CYP39A1: variants seen among roughly 807,000 people sequenced by gnomAD.
CYP39A1 encodes the protein 24-hydroxycholesterol 7-alpha-hydroxylase.
CYP39A1 carries 49 observed loss-of-function variants against 58.1 expected under a neutral mutation model. The ratio of observed to expected loss-of-function variants is 0.84; its 90% CI spans 0.67 to 1.07. The LOEUF (loss-of-function observed/expected upper bound fraction) is 1.07. CYP39A1 is among the 50% of genes least tolerant of loss of function. The probability of loss-of-function intolerance (pLI) is 0.00; values close to 1 mark genes in which losing one functional copy is unlikely to be tolerated. For missense variants in CYP39A1, 531 were observed against 539.4 expected (o/e 0.98, Z 0.16); for synonymous variants, 209 against 187.6 (o/e 1.11, Z -0.93).
At chr6:46,648,317 G>A (rs1309344981) in intron 1 of CYP39A1, among the ~76,000 whole-genome samples, 1 of 152,016 alleles carries the variant, frequency 6.6e-6, no homozygotes, top group Non-Finnish European at 1.5e-5. Flanking sequence ...ATACACCATG[G>A]AATACTATGC....
At chr6:46,580,541 G>C (rs1582325944) in intron 10 of CYP39A1, among the ~76,000 whole-genome samples, 1 of 152,118 alleles carries the variant, frequency 6.6e-6, no homozygotes, top group Admixed American at 6.6e-5. Context: ...TGCACAGTAA[G>C]AGAAACTGTC....
chr6:46,586,392 G>A, intron 10 of CYP39A1: 3 of 982,896 alleles, frequency 3.1e-6, no homozygotes, highest in African/African-American at 1.7e-5. Context: ...ATTTAATGTA[G>A]ATTGTAAATT....
chr6:46,604,492 A>G (rs1773717685), intron 7 of CYP39A1, among the ~76,000 whole-genome samples: 1 of 152,224 alleles, frequency 6.6e-6, no homozygotes, highest in Non-Finnish European at 1.5e-5. Context: ...AAAAGCAGAC[A>G]TGTCTTCTTT....
At chr6:46,556,843 T>C (rs569492931) in intron 10 of CYP39A1, among the ~76,000 whole-genome samples, 174 of 152,174 alleles carry the variant, frequency 1.1e-3, no homozygotes, top group African/African-American at 3.9e-3. Context: ...TATTCAAAAG[T>C]TAACAGGCTT....
chr6:46,589,103 T>C (rs930045523), intron 8 of CYP39A1, among the ~76,000 whole-genome samples: 2 of 152,122 alleles, frequency 1.3e-5, no homozygotes, highest in East Asian at 1.9e-4. Context: ...CTCAAGATAT[T>C]TGAAAAACTT....
Position 46,642,141 on chromosome 6 carries a change from ACTAT to A in CYP39A1, c.313+18_313+21del. 2 of 1,611,558 alleles carry A rather than the reference ACTAT, an allele frequency of 1.2e-6. No homozygotes were observed. Among genetic ancestry groups the A allele is most frequent in the South Asian group, 2.2e-5 (2 of 90,866 alleles). On this transcript the variant is annotated intron_variant, in intron 2 of 11. Transcript: ENST00000275016. ...GATTCCAATGTTGGATTTCGAATGG[ACTAT>A]CTGAAAATATTCTTTACCTGTACGA... is the stretch of plus-strand genomic sequence containing the variant.
intron 7 of CYP39A1, among the ~76,000 whole-genome samples, chr6:46,600,971 A>T (rs1481407291): frequency 6.6e-6 from 1 of 152,096 alleles, no homozygotes; most frequent in Non-Finnish European, 1.5e-5. Flanking sequence ...GGGCATCTGA[A>T]GTTGGGGAGA....
rs932834705 is a variant in CYP39A1, at chr6:46,646,773, G to A, written c.178-4475C>T. 3.3e-5 allele frequency among the ~76,000 whole-genome samples: 5 copies of A among 151,852 alleles called. No individual in the cohort carries two copies. The South Asian group carries it at 1.0e-3, about 32-fold the overall frequency. ...CTATTAAAATTATGTATTGTATATTGGATAGTTTTGTTAGAATACGTTTTT... is the reference window on the plus strand; with the variant it reads ...CTATTAAAATTATGTATTGTATATTAGATAGTTTTGTTAGAATACGTTTTT... On this transcript the variant is annotated intron_variant, in intron 1 of 11. Coordinates refer to ENST00000275016, the MANE Select transcript of CYP39A1 (RefSeq NM_016593.5).
chr6:46,627,430 T>A (rs1275677968), intron 6 of CYP39A1, among the ~76,000 whole-genome samples: 3 of 151,972 alleles, frequency 2.0e-5, no homozygotes, highest in Non-Finnish European at 4.4e-5. Context: ...TTATTTTTTT[T>A]TTTTTTGAGA....
In CYP39A1 at chr6:46,652,467, A is replaced by T. The variant is rs1446279680; in HGVS notation, c.116T>A (p.Ile39Asn). 6.2e-7 allele frequency: 1 copy of T among 1,613,790 alleles called. No homozygotes were observed. Among genetic ancestry groups the T allele is most frequent in the East Asian group, 2.2e-5 (1 of 44,866 alleles). ...PPCIKGWIPWIGVGFEFGKAP... is the reference protein window; with the variant it reads ...PPCIKGWIPWNGVGFEFGKAP... ...TTTCCCAAACTCAAATCCAACTCCA[A>T]TCCAAGGAATCCAGCCCTTGATGCA... Residue 39 changes from isoleucine to asparagine, a missense_variant, in exon 1 of 12, where the codon ATT becomes AAT. Physicochemically the swap from Ile to Asn is moderately radical, Grantham distance 149. Coordinates refer to ENST00000275016, the MANE Select transcript of CYP39A1 (RefSeq NM_016593.5).
intron 10 of CYP39A1, among the ~76,000 whole-genome samples, chr6:46,567,790 A>C (rs1479729578): frequency 6.6e-6 from 1 of 152,162 alleles, no homozygotes; most frequent in Non-Finnish European, 1.5e-5. Context: ...TTATGCTCAC[A>C]GAACAAAGAA....
chr6:46,646,533 T>G (rs902604832), intron 1 of CYP39A1, among the ~76,000 whole-genome samples: 3 of 152,116 alleles, frequency 2.0e-5, no homozygotes, highest in African/African-American at 7.2e-5. Context: ...GTAGTTTTTT[T>G]CCGTACTATC....
chr6:46,618,278 G>C (rs1021570392), intron 7 of CYP39A1, among the ~76,000 whole-genome samples: 9 of 152,098 alleles, frequency 5.9e-5, no homozygotes, highest in Non-Finnish European at 1.0e-4. Flanking sequence ...TAAAGAACTT[G>C]ATAACTTGAG....
intron 10 of CYP39A1, among the ~76,000 whole-genome samples, chr6:46,561,340 T>G (rs182194578): frequency 6.6e-6 from 1 of 152,132 alleles, no homozygotes; most frequent in Non-Finnish European, 1.5e-5. Context: ...CATCCTGGGA[T>G]AAAAGGCCCC....
At chr6:46,639,098 C>T (rs138112204) in intron 3 of CYP39A1, among the ~76,000 whole-genome samples, 53 of 152,286 alleles carry the variant, frequency 3.5e-4, no homozygotes, top group African/African-American at 1.0e-3. Context: ...ATCCTCTCAA[C>T]GTCCTCTCAT....
rs772014743 is a variant in CYP39A1 at position 46,642,333 on chromosome 6, C to G, written c.178-35G>C. ...AACAAACATAGATTATATTAGTAAGCATTCCTAAGCCATGTTTAAGACCAT... is the reference window on the plus strand; with the variant it reads ...AACAAACATAGATTATATTAGTAAGGATTCCTAAGCCATGTTTAAGACCAT... On this transcript the variant is annotated intron_variant, in intron 1 of 11. Transcript: ENST00000275016. 7 of 1,586,084 alleles carry G rather than the reference C, an allele frequency of 4.4e-6. No individual in the cohort carries two copies. In the East Asian group the frequency reaches 1.6e-4, roughly 36 times the overall value.
chr6:46,562,224 T>C (rs1440087648), intron 10 of CYP39A1, among the ~76,000 whole-genome samples: 1 of 152,038 alleles, frequency 6.6e-6, no homozygotes, highest in Non-Finnish European at 1.5e-5. Flanking sequence ...TGTTTCACCA[T>C]GTTGGCCAGG....
chr6:46,622,700 T>TA (rs767181200), intron 7 of CYP39A1, among the ~76,000 whole-genome samples: 2 of 150,136 alleles, frequency 1.3e-5, no homozygotes, highest in Non-Finnish European at 2.9e-5. Context: ...CTTAGGAAGA[T>TA]AATAAAGACT....
intron 10 of CYP39A1, among the ~76,000 whole-genome samples, chr6:46,569,803 T>C (rs115340977): frequency 0.012 from 1,803 of 152,222 alleles, 38 homozygotes; most frequent in African/African-American, 0.041. Flanking sequence ...TTTGCATTTA[T>C]GTTCATCAGG....
Sources: gnomAD v4.1 joint callset for allele counts (sites outside exome capture counted in the v4.1 genomes callset) on GRCh38, gnomAD v4.1.1 for gene constraint, MANE v1.5 for transcripts, NCBI Gene and HGNC (gene_info 2026-07-23, HGNC 2026-07-21) for gene names.